Variants in MGAT4C observed in about 807,000 individuals in gnomAD.
The protein encoded by MGAT4C is MGAT4 family member C.
In MGAT4C, 19 loss-of-function variants were observed where a neutral mutation model predicts 40.1. The observed-to-expected ratio is 0.47, with a 90% CI of 0.33 to 0.70. The LOEUF (loss-of-function observed/expected upper bound fraction) is 0.70. MGAT4C is among the 30% of genes least tolerant of loss of function. The pLI is 0.02. For missense variants in MGAT4C, 491 were observed against 563.2 expected (o/e 0.87, Z 1.30); for synonymous variants, 181 against 187.1 (o/e 0.97, Z 0.27).
chr12:86,416,445 G>GA (rs1353495135), intron 3 of MGAT4C, among the ~76,000 whole-genome samples: 1 of 152,060 alleles, frequency 6.6e-6, no homozygotes, highest in Non-Finnish European at 1.5e-5. Flanking sequence ...GAATAGCTGT[G>GA]ACATTAAGAA....
At chr12:86,685,358 T>A (rs1382834580) in intron 2 of MGAT4C, among the ~76,000 whole-genome samples, 1 of 152,218 alleles carries the variant, frequency 6.6e-6, no homozygotes, top group Non-Finnish European at 1.5e-5. Flanking sequence ...AGGTGTGATG[T>A]TATTTCTGAG....
At chr12:86,572,510 T>C (rs759871468) in intron 2 of MGAT4C, among the ~76,000 whole-genome samples, 8 of 152,128 alleles carry the variant, frequency 5.3e-5, no homozygotes, top group Non-Finnish European at 1.0e-4. Flanking sequence ...CACTCTTTAC[T>C]ATCATGTCTG....
At chr12:86,052,572 T>C (rs1892993321) in intron 1 of MGAT4C, among the ~76,000 whole-genome samples, 1 of 151,974 alleles carries the variant, frequency 6.6e-6, no homozygotes. Flanking sequence ...ATGAACAGCT[T>C]CAAGAATCAA....
intron 4 of MGAT4C, among the ~76,000 whole-genome samples, chr12:85,981,504 G>A (rs1043137929): frequency 6.6e-5 from 10 of 152,090 alleles, no homozygotes; most frequent in African/African-American, 2.4e-4. Context: ...TAAATACCTT[G>A]GCTTACAACT....
chr12:86,665,813 G>A (rs1374440213), intron 2 of MGAT4C, among the ~76,000 whole-genome samples: 1 of 152,110 alleles, frequency 6.6e-6, no homozygotes, highest in Non-Finnish European at 1.5e-5. Flanking sequence ...GAAACTGATC[G>A]TTTTCCTCAG....
chr12:86,365,894 T>C (rs1389499217), intron 3 of MGAT4C, among the ~76,000 whole-genome samples: 1 of 152,148 alleles, frequency 6.6e-6, no homozygotes, highest in African/African-American at 2.4e-5. Context: ...TCCAAATAAA[T>C]TTTAGAATAG....
chr12:86,138,496 T>TATATATATCATATATATATTTCCATAG (rs1566037284), intron 1 of MGAT4C, among the ~76,000 whole-genome samples: 11 of 129,880 alleles, frequency 8.5e-5, no homozygotes, highest in Admixed American at 3.2e-4. Flanking sequence ...TATTTCCATA[T>TATATATATCATATATATATTTCCATAG]ATATATCATG....
At chr12:86,795,015 T>G (rs534073555) in intron 1 of MGAT4C, among the ~76,000 whole-genome samples, 1 of 151,960 alleles carries the variant, frequency 6.6e-6, no homozygotes, top group South Asian at 2.1e-4. Context: ...AGAAATATAT[T>G]TAAAATGATA....
intron 2 of MGAT4C, among the ~76,000 whole-genome samples, chr12:86,440,547 A>T (rs11559864): frequency 6.6e-6 from 1 of 152,100 alleles, no homozygotes; most frequent in Non-Finnish European, 1.5e-5. Context: ...AGAAGAAAAC[A>T]TTCCCTATAA....
At chr12:86,797,115 G>C (rs1308475436) in intron 1 of MGAT4C, among the ~76,000 whole-genome samples, 1 of 151,714 alleles carries the variant, frequency 6.6e-6, no homozygotes, top group Non-Finnish European at 1.5e-5. Context: ...AAAAATTACA[G>C]CCATTGAAAC....
intron 2 of MGAT4C, among the ~76,000 whole-genome samples, chr12:86,613,665 A>C (rs941901707): frequency 6.6e-6 from 1 of 152,172 alleles, no homozygotes; most frequent in African/African-American, 2.4e-5. Context: ...TAGGAATACT[A>C]TAACTGCAAG....
intron 2 of MGAT4C, among the ~76,000 whole-genome samples, chr12:86,512,121 C>T (rs1592937863): frequency 1.3e-5 from 2 of 152,034 alleles, no homozygotes; most frequent in Non-Finnish European, 2.9e-5. Flanking sequence ...CTCCCATAAA[C>T]ATTTATCCAA....
chr12:86,774,303 C>CTTTCTTTCT, intron 1 of MGAT4C, among the ~76,000 whole-genome samples: 1 of 24,868 alleles, frequency 4.0e-5, no homozygotes, highest in Non-Finnish European at 1.1e-4. Flanking sequence ...TTCTTTCTTT[C>CTTTCTTTCT]TTTCTTTCTT....
intron 1 of MGAT4C, among the ~76,000 whole-genome samples, chr12:86,196,293 T>A (rs1300487201): frequency 6.6e-6 from 1 of 152,216 alleles, no homozygotes; most frequent in Non-Finnish European, 1.5e-5. Flanking sequence ...CCTTAGATAT[T>A]AAGGCTCACG....
At chr12:86,275,902 C>T (rs1953066469) in intron 4 of MGAT4C, among the ~76,000 whole-genome samples, 1 of 123,744 alleles carries the variant, frequency 8.1e-6, no homozygotes, top group African/African-American at 3.1e-5. Context: ...AGATCGAGAC[C>T]ATTTTGGCTA....
chr12:86,832,356 A>C (rs1952945716), intron 1 of MGAT4C, among the ~76,000 whole-genome samples: 1 of 151,804 alleles, frequency 6.6e-6, no homozygotes, highest in Non-Finnish European at 1.5e-5. Flanking sequence ...TTAAGCACAA[A>C]ATTTTTGTAA....
At chr12:86,504,187 A>G (rs926034719) in intron 2 of MGAT4C, among the ~76,000 whole-genome samples, 2 of 152,074 alleles carry the variant, frequency 1.3e-5, no homozygotes, top group East Asian at 3.9e-4. Flanking sequence ...GAGGATGTAG[A>G]ACAATTTTCA....
At chr12:86,756,462 A>T (rs1593177113) in intron 1 of MGAT4C, among the ~76,000 whole-genome samples, 1 of 152,158 alleles carries the variant, frequency 6.6e-6, no homozygotes, top group African/African-American at 2.4e-5. Context: ...CCACAGAGAT[A>T]TGCTCCCCTC....
At chr12:86,334,440 G>T (rs1417176467) in intron 3 of MGAT4C, among the ~76,000 whole-genome samples, 1 of 152,090 alleles carries the variant, frequency 6.6e-6, no homozygotes, top group Non-Finnish European at 1.5e-5. Context: ...GAGAGACATG[G>T]ATGATGCTGG....
Sources: gnomAD v4.1 joint callset for allele counts (sites outside exome capture counted in the v4.1 genomes callset) on GRCh38, gnomAD v4.1.1 for gene constraint, MANE v1.5 for transcripts, NCBI Gene and HGNC (gene_info 2026-07-23, HGNC 2026-07-21) for gene names.